The following ANKH variants were observed in gnomAD, a reference collection of about 807,000 sequenced individuals.
ANKH encodes the protein ANKH inorganic pyrophosphate transport regulator, also known as mineralization regulator ANKH.
Under a neutral mutation model 49.0 loss-of-function variants are expected in ANKH, and 15 were observed. The ratio of observed to expected loss-of-function variants is 0.31; its 90% CI spans 0.20 to 0.47. The LOEUF (loss-of-function observed/expected upper bound fraction) is 0.47, where lower values mean the gene tolerates loss of function less well. Ranked by LOEUF, ANKH falls within the 20% of genes least tolerant of loss-of-function variation. The pLI, the probability that ANKH is intolerant of heterozygous loss-of-function variation, is 1.00. For missense variants in ANKH, 429 were observed against 652.0 expected (o/e 0.66, Z 3.72); for synonymous variants, 273 against 260.0 (o/e 1.05, Z -0.48).
Position 14,763,417 on chromosome 5 carries a change from T to C in ANKH, c.314-4819A>G, listed in dbSNP as rs143798005. The stretch of plus-strand genomic sequence containing the variant: ...CATTGAGTGACTTGTATGCATCAGG[T>C]ACTGCACACTCTAACACAGCTGTGA... On this transcript the variant is annotated intron_variant, in intron 2 of 11. Transcript: ENST00000284268. Among the ~76,000 whole-genome samples the C allele has an allele frequency of 3.1e-3, 472 of 152,328 alleles. 2 individuals are homozygous for C. Among genetic ancestry groups the C allele is most frequent in the Middle Eastern group, 0.02 (6 of 294 alleles).
intron 1 of ANKH, among the ~76,000 whole-genome samples, chr5:14,795,446 T>G (rs924800941): frequency 2.0e-5 from 3 of 152,160 alleles, no homozygotes; most frequent in Non-Finnish European, 4.4e-5. Flanking sequence ...AATCCCCAAA[T>G]CATGTGCAAT....
At chr5:14,771,938 A>AAAAAAAAAAAAC (rs1739452515) in intron 1 of ANKH, among the ~76,000 whole-genome samples, 1 of 128,944 alleles carries the variant, frequency 7.8e-6, no homozygotes, top group African/African-American at 3.3e-5. Context: ...AAAAAAAAAA[A>AAAAAAAAAAAAC]AAAAAAAAAC....
At chr5:14,803,602 T>C (rs1241187500) in intron 1 of ANKH, among the ~76,000 whole-genome samples, 2 of 151,876 alleles carry the variant, frequency 1.3e-5, no homozygotes, top group Non-Finnish European at 2.9e-5. Context: ...TTAATTTTTA[T>C]TTTCCTCTTT....
chr5:14,839,790 G>A (rs920553739), intron 1 of ANKH, among the ~76,000 whole-genome samples: 3 of 152,162 alleles, frequency 2.0e-5, no homozygotes, highest in Non-Finnish European at 4.4e-5. Flanking sequence ...GATACTTTGT[G>A]CATTTGAGGG....
chr5:14,747,427 C>T (rs1018888845), intron 6 of ANKH, among the ~76,000 whole-genome samples: 1 of 151,878 alleles, frequency 6.6e-6, no homozygotes, highest in African/African-American at 2.4e-5. Flanking sequence ...AAAAGAAATT[C>T]AAATATTAGT....
intron 1 of ANKH, among the ~76,000 whole-genome samples, chr5:14,853,563 C>A (rs899679499): frequency 1.3e-5 from 2 of 152,060 alleles, no homozygotes; most frequent in African/African-American, 4.8e-5. Flanking sequence ...GGTGACAGAA[C>A]AAGACTCTGT....
chr5:14,730,700 C>A (rs1737970564), intron 8 of ANKH, among the ~76,000 whole-genome samples: 1 of 152,222 alleles, frequency 6.6e-6, no homozygotes, highest in Non-Finnish European at 1.5e-5. Context: ...TGGATGTGCC[C>A]AGCGTACTTG....
chr5:14,810,718 T>G (rs1320292371), intron 1 of ANKH, among the ~76,000 whole-genome samples: 1 of 152,196 alleles, frequency 6.6e-6, no homozygotes, highest in East Asian at 1.9e-4. Flanking sequence ...TTCTGTCCCC[T>G]GAGAAGCCAC....
At chr5:14,752,213 C>T (rs762478146) in intron 4 of ANKH, among the ~76,000 whole-genome samples, 9 of 152,156 alleles carry the variant, frequency 5.9e-5, no homozygotes, top group Non-Finnish European at 1.2e-4. Context: ...TGGTAGCTGA[C>T]GTGGGAGGTT....
At chr5:14,774,276 T>G (rs761572233) in intron 1 of ANKH, among the ~76,000 whole-genome samples, 12 of 152,224 alleles carry the variant, frequency 7.9e-5, no homozygotes, top group Non-Finnish European at 1.2e-4. Context: ...AAATTTGTTC[T>G]AATTTATGGC....
At position 14,718,725 on chromosome 5, in the gene ANKH, G is replaced by A. The variant is rs532146132; in HGVS notation, c.1012-1890C>T. ...CTTGGGAGGCTGAGGCAGGAGAATC[G>A]CTTGAACCCGGGAGACGGAGGTTGT... On this transcript the variant is annotated intron_variant, in intron 8 of 11. Transcript: ENST00000284268. Among the ~76,000 whole-genome samples the A allele has an allele frequency of 5.9e-5, 9 of 151,600 alleles. No individual in the cohort carries two copies. The East Asian group carries it at 1.4e-3, about 23-fold the overall frequency.
chr5:14,793,135 C>T (rs1207400304), intron 1 of ANKH, among the ~76,000 whole-genome samples: 4 of 143,256 alleles, frequency 2.8e-5, no homozygotes, highest in Non-Finnish European at 6.0e-5. Flanking sequence ...TAAAACAACA[C>T]TTAGTTACAA....
At chr5:14,870,496 C>T (rs1223769907) in intron 1 of ANKH, 1 of 152,450 alleles carries the variant, frequency 6.6e-6, no homozygotes, top group Non-Finnish European at 1.5e-5. Flanking sequence ...GCTCTGGCCA[C>T]TTGGGACACC....
At chr5:14,871,283 C>T in intron 1 of ANKH, 69 bp downstream of exon 1, 5 of 1,387,684 alleles carry the variant, frequency 3.6e-6, no homozygotes, top group South Asian at 1.2e-5. Flanking sequence ...GACTCCCCTC[C>T]GCCCCCGTGT....
chr5:14,749,122 CT>C lies in ANKH; in HGVS notation c.822+49del, dbSNP rs748954739. On this transcript the variant is annotated intron_variant, in intron 6 of 11. Transcript: ENST00000284268. ...ACTGGAAATCAGTTTCAGCACCCCC[CT>C]GCCCCACCAAGGTGATCATAAGCCC... 3 of 1,613,232 alleles carry C rather than the reference CT, an allele frequency of 1.9e-6. No homozygotes were observed. In the South Asian group the frequency reaches 3.3e-5, roughly 18 times the overall value.
rs115601009 is a variant in ANKH at position 14,813,731 on chromosome 5, C to T, written c.97-44540G>A. On this transcript the variant is annotated intron_variant, in intron 1 of 11. Coordinates refer to ENST00000284268, the MANE Select transcript of ANKH (RefSeq NM_054027.6). ...TCAATCCAGCTCCAGCTCTACCTCT[C>T]AGCTCTCCGTTGCTTCTTGCCATTG... Among the ~76,000 whole-genome samples, 1,062 of 152,324 alleles carry T rather than the reference C, an allele frequency of 7.0e-3. 6 individuals carry two copies. Among genetic ancestry groups the T allele is most frequent in the Middle Eastern group, 0.014 (4 of 294 alleles).
chr5:14,794,244 G>A (rs75615580), intron 1 of ANKH, among the ~76,000 whole-genome samples: 6,106 of 152,286 alleles, frequency 0.04, 196 homozygotes, highest in East Asian at 0.083. Context: ...AGCCACAGAG[G>A]AGACCTGGAA....
intron 8 of ANKH, among the ~76,000 whole-genome samples, chr5:14,736,713 C>T (rs1738194947): frequency 6.6e-6 from 1 of 152,218 alleles, no homozygotes; most frequent in Non-Finnish European, 1.5e-5. Flanking sequence ...TCTCCCCCTT[C>T]TCTGACTTTC....
chr5:14,728,745 CG>C (rs771685124), intron 8 of ANKH, among the ~76,000 whole-genome samples: 4 of 152,178 alleles, frequency 2.6e-5, no homozygotes, highest in Non-Finnish European at 4.4e-5. Flanking sequence ...CAGGGCCAGC[CG>C]GGCAAAGTCC....
Sources: gnomAD v4.1 joint callset for allele counts (sites outside exome capture counted in the v4.1 genomes callset) on GRCh38, gnomAD v4.1.1 for gene constraint, MANE v1.5 for transcripts, NCBI Gene and HGNC (gene_info 2026-07-23, HGNC 2026-07-21) for gene names.